Variants in MAGI1 observed in about 807,000 individuals in gnomAD.
MAGI1 encodes the protein membrane-associated guanylate kinase, WW and PDZ domain-containing protein 1.
In MAGI1, 58 loss-of-function variants were observed where a neutral mutation model predicts 139.9. The ratio of observed to expected loss-of-function variants is 0.41; its 90% CI spans 0.34 to 0.52. MAGI1 has a LOEUF of 0.52. Ranked by LOEUF, MAGI1 falls within the 20% of genes least tolerant of loss-of-function variation. The probability of loss-of-function intolerance (pLI) is 0.12; values close to 1 mark genes in which losing one functional copy is unlikely to be tolerated. For synonymous variants in MAGI1, 812 were observed against 737.9 expected (o/e 1.10, Z -1.63); for missense variants, 1,874 against 1,901.6 (o/e 0.99, Z 0.27).
Position 65,363,581 on chromosome 3 carries a change from C to G in MAGI1, c.3379G>C (p.Glu1127Gln), listed in dbSNP as rs1941098324. The G allele has an allele frequency of 1.2e-6, 2 of 1,613,994 alleles. No individual in the cohort carries two copies. The highest frequency in any genetic ancestry group is 2.2e-5 in the East Asian group (1 of 44,878). The change falls in exon 21 of 23, where the codon GAA (glutamate) becomes CAA (glutamine). Residue 1127 changes from glutamate to glutamine, a missense_variant. This residue lies in a region of MAGI1 where 653 missense variants were observed against 644.5 expected (regional missense o/e 1.01). Transcript: ENST00000402939. ...AAGCCAAATCCCTTGGCTCCTCTTT[C>G]CAGTTCCACAGTGTAAAAATCTTGC... ...QEQDFYTVEL[E>Q]RGAKGFGFSL... is the part of the protein sequence containing the mutation.
chr3:65,500,679 G>A (rs961477598), intron 2 of MAGI1, among the ~76,000 whole-genome samples: 2 of 152,140 alleles, frequency 1.3e-5, no homozygotes, highest in Admixed American at 6.6e-5. Context: ...CCTTCCCAAC[G>A]CCATGCGGTT....
chr3:65,506,648 A>G lies in MAGI1; in HGVS notation c.431-13017T>C, dbSNP rs892789845. Among the ~76,000 whole-genome samples the G allele has an allele frequency of 5.9e-5, 9 of 152,332 alleles. No homozygotes were observed. In the East Asian group the frequency reaches 1.2e-3, roughly 20 times the overall value. On this transcript the variant is annotated intron_variant, in intron 2 of 22. Coordinates refer to ENST00000402939, the MANE Select transcript of MAGI1 (RefSeq NM_001033057.2). ...ACCCTCATTCTAGTCATTAGCCACTAGCACGGATCCATAAGAAAATGCCTA... is the reference window on the plus strand; with the variant it reads ...ACCCTCATTCTAGTCATTAGCCACTGGCACGGATCCATAAGAAAATGCCTA...
intron 1 of MAGI1, among the ~76,000 whole-genome samples, chr3:65,648,822 T>C (rs2085421637): frequency 6.6e-6 from 1 of 152,156 alleles, no homozygotes; most frequent in Non-Finnish European, 1.5e-5. Flanking sequence ...AGCTACAATA[T>C]TTAAGACTAC....
At chr3:66,031,644 T>C (rs908827396) in intron 1 of MAGI1, among the ~76,000 whole-genome samples, 5 of 152,104 alleles carry the variant, frequency 3.3e-5, no homozygotes, top group Non-Finnish European at 7.3e-5. Flanking sequence ...GAGTGGTCTT[T>C]TGGCACCAAG....
chr3:65,992,156 A>G (rs2066216769), intron 1 of MAGI1, among the ~76,000 whole-genome samples: 1 of 152,232 alleles, frequency 6.6e-6, no homozygotes, highest in Admixed American at 6.5e-5. Context: ...AAACCATAAC[A>G]TCCTCAAGAA....
intron 2 of MAGI1, among the ~76,000 whole-genome samples, chr3:65,594,165 A>C (rs7643256): frequency 1.3e-5 from 2 of 152,030 alleles, no homozygotes; most frequent in African/African-American, 4.8e-5. Context: ...ATTTGAAAAA[A>C]CAAAACCAAA....
chr3:65,657,330 C>A (rs2107355456), intron 1 of MAGI1, among the ~76,000 whole-genome samples: 1 of 151,536 alleles, frequency 6.6e-6, no homozygotes, highest in African/African-American at 2.4e-5. Flanking sequence ...GGTGGTGGCT[C>A]ACACCTGTAG....
intron 1 of MAGI1, among the ~76,000 whole-genome samples, chr3:65,743,397 C>T (rs140369039): frequency 2.0e-5 from 3 of 152,210 alleles, no homozygotes; most frequent in Admixed American, 2.0e-4. Context: ...TGAAGCAGTC[C>T]TCATCTCTGC....
chr3:66,025,307 G>A (rs2068191927), intron 1 of MAGI1, among the ~76,000 whole-genome samples: 2 of 152,178 alleles, frequency 1.3e-5, no homozygotes, highest in Admixed American at 1.3e-4. Flanking sequence ...GGGAGGCCAA[G>A]GTGGGTGGAT....
chr3:65,688,073 C>A (rs1175970426), intron 1 of MAGI1: 4 of 765,648 alleles, frequency 5.2e-6, no homozygotes, highest in African/African-American at 1.7e-5. Flanking sequence ...ATAACCCCAA[C>A]AGACAGCCTT....
intron 1 of MAGI1, among the ~76,000 whole-genome samples, chr3:65,809,425 G>A (rs529680409): frequency 6.6e-6 from 1 of 152,184 alleles, no homozygotes; most frequent in Non-Finnish European, 1.5e-5. Flanking sequence ...TCCATTTCAA[G>A]TTCCTATAGA....
Position 65,378,076 on chromosome 3 carries a change from G to C in MAGI1, c.2995+1185C>G, listed in dbSNP as rs112119369. The stretch of plus-strand genomic sequence containing the variant: ...CTTCTCCCATTGTATTCCATAGTAA[G>C]TAACAAATGTGCTTGGGAGATAACA... On this transcript the variant is annotated intron_variant, in intron 17 of 22. Transcript: ENST00000402939. Among the ~76,000 whole-genome samples, 1,359 of 152,298 alleles carry C rather than the reference G, an allele frequency of 8.9e-3. 15 individuals carry two copies. Among genetic ancestry groups the C allele is most frequent in the African/African-American group, 0.031 (1,288 of 41,560 alleles).
At chr3:65,459,289 T>C (rs1949614549) in intron 5 of MAGI1, among the ~76,000 whole-genome samples, 2 of 152,206 alleles carry the variant, frequency 1.3e-5, no homozygotes. Flanking sequence ...TCTGGGTCTT[T>C]CGTGGTTCCA....
At chr3:65,394,601 G>C (rs932006217) in intron 13 of MAGI1, among the ~76,000 whole-genome samples, 2 of 151,834 alleles carry the variant, frequency 1.3e-5, no homozygotes, top group African/African-American at 4.8e-5. Context: ...TTAATTTGAA[G>C]ACATATTCTG....
chr3:65,515,895 AGGGT>A (rs746383564), intron 2 of MAGI1, among the ~76,000 whole-genome samples: 81 of 152,248 alleles, frequency 5.3e-4, no homozygotes, highest in Non-Finnish European at 1.0e-3. Flanking sequence ...GCTGAAAATG[AGGGT>A]GAGAACACAT....
At chr3:65,812,050 C>G (rs1478397685) in intron 1 of MAGI1, among the ~76,000 whole-genome samples, 1 of 152,022 alleles carries the variant, frequency 6.6e-6, no homozygotes, top group East Asian at 1.9e-4. Flanking sequence ...AGGAGGTAAT[C>G]TCATGATCTC....
intron 7 of MAGI1, among the ~76,000 whole-genome samples, chr3:65,447,550 C>G (rs1028070729): frequency 3.9e-5 from 6 of 152,196 alleles, no homozygotes; most frequent in African/African-American, 1.4e-4. Context: ...TCCTCAGTGA[C>G]CTTCTTTTAT....
chr3:65,410,298 T>C (rs936698693), intron 12 of MAGI1, among the ~76,000 whole-genome samples: 1 of 152,224 alleles, frequency 6.6e-6, no homozygotes, highest in Non-Finnish European at 1.5e-5. Flanking sequence ...GTCTTTGACA[T>C]AAATTTATTC....
chr3:65,546,533 G>T (rs1047582297), intron 2 of MAGI1, among the ~76,000 whole-genome samples: 5 of 152,128 alleles, frequency 3.3e-5, no homozygotes, highest in Non-Finnish European at 5.9e-5. Flanking sequence ...TGTCAAGGTT[G>T]TATTTTGAAA....
Sources: gnomAD v4.1 joint callset for allele counts (sites outside exome capture counted in the v4.1 genomes callset) on GRCh38, gnomAD v4.1.1 for gene constraint, gnomAD v4.1.1 regional missense constraint, MANE v1.5 for transcripts, NCBI Gene and HGNC (gene_info 2026-07-23, HGNC 2026-07-21) for gene names.